Variants in STRN3 observed in about 807,000 individuals in gnomAD.
STRN3 encodes striatin 3, also known as striatin-3.
STRN3 carries 29 observed loss-of-function variants against 95.6 expected under a neutral mutation model. The observed-to-expected ratio is 0.30, with a 90% CI of 0.23 to 0.41. The LOEUF (loss-of-function observed/expected upper bound fraction) is 0.41. STRN3 is among the 10% of genes least tolerant of loss of function. The pLI is 1.00. For synonymous variants in STRN3, 331 were observed against 357.6 expected, an observed-to-expected ratio of 0.93 and a Z score of 0.84; for missense variants, 890 against 972.1, an observed-to-expected ratio of 0.92 and a Z score of 1.12.
intron 13 of STRN3, 121 bp from the exon 14 acceptor site, chr14:30,907,165 T>G: frequency 1.8e-6 from 2 of 1,098,010 alleles, no homozygotes; most frequent in Non-Finnish European, 2.5e-6. Flanking sequence ...CACAAGAAGA[T>G]AAACTAAAGT....
At chr14:30,931,309 C>T (rs933619413) in intron 7 of STRN3, among the ~76,000 whole-genome samples, 10 of 152,026 alleles carry the variant, frequency 6.6e-5, no homozygotes, top group African/African-American at 2.4e-4. Flanking sequence ...AAATCTTCTA[C>T]ATATTAATCC....
intron 6 of STRN3, 133 bp downstream of exon 6, chr14:30,936,362 C>T: frequency 2.0e-6 from 2 of 1,006,534 alleles, no homozygotes; most frequent in Non-Finnish European, 2.8e-6. Context: ...AAAGAGCTGA[C>T]CACATAAAAC....
intron 1 of STRN3, among the ~76,000 whole-genome samples, chr14:31,003,582 C>A (rs1049436167): frequency 1.3e-5 from 2 of 152,036 alleles, no homozygotes; most frequent in African/African-American, 4.8e-5. Flanking sequence ...TGCTCTCTCG[C>A]CATGCAATCT....
At chr14:31,014,260 G>A (rs1374259071) in intron 1 of STRN3, among the ~76,000 whole-genome samples, 4 of 152,016 alleles carry the variant, frequency 2.6e-5, no homozygotes, top group African/African-American at 4.8e-5. Flanking sequence ...TTGCTCTGTT[G>A]CCCAAGCTGG....
At chr14:30,924,373 C>T (rs898513424) in intron 8 of STRN3, among the ~76,000 whole-genome samples, 4 of 139,880 alleles carry the variant, frequency 2.9e-5, no homozygotes, top group East Asian at 2.1e-4. Flanking sequence ...CTGCAACCTC[C>T]GTCTCCTGGG....
intron 1 of STRN3, among the ~76,000 whole-genome samples, chr14:30,970,692 C>T (rs1339726078): frequency 6.6e-6 from 1 of 152,182 alleles, no homozygotes; most frequent in African/African-American, 2.4e-5. Flanking sequence ...AACCATTGTT[C>T]CTCCTCCATC....
chr14:31,008,423 G>A lies in STRN3; in HGVS notation c.282+17481C>T, dbSNP rs374084289. On this transcript the variant is annotated intron_variant, in intron 1 of 17. Coordinates refer to ENST00000357479, the MANE Select transcript of STRN3 (RefSeq NM_001083893.2). ...CTCGGGAGGCTGAGGTGGGAGGATCGAGTGAGCCCAGGAGGTCGAGACTGC... is the reference window on the plus strand; with the variant it reads ...CTCGGGAGGCTGAGGTGGGAGGATCAAGTGAGCCCAGGAGGTCGAGACTGC... 9.9e-5 allele frequency among the ~76,000 whole-genome samples: 15 copies of A among 151,888 alleles called. No homozygotes were observed. The South Asian group carries it at 1.9e-3, about 19-fold the overall frequency.
At position 30,907,552 on chromosome 14, in the gene STRN3, C is replaced by T. The variant is rs558390134; in HGVS notation, c.1721-508G>A. On this transcript the variant is annotated intron_variant, in intron 13 of 17. Coordinates refer to ENST00000357479, the MANE Select transcript of STRN3 (RefSeq NM_001083893.2). Reference sequence around the variant, plus strand: ...AACATTTTCTATAAATGGAATCATACAATATGTGGTCTTTTGTGACTGGGT... The same window carrying T: ...AACATTTTCTATAAATGGAATCATATAATATGTGGTCTTTTGTGACTGGGT... Among the ~76,000 whole-genome samples the T allele has an allele frequency of 4.6e-5, 7 of 152,180 alleles. No homozygotes were observed. The South Asian group carries it at 1.2e-3, about 27-fold the overall frequency.
Position 31,026,107 on chromosome 14 carries a change from T to C in STRN3, c.79A>G (p.Asn27Asp), listed in dbSNP as rs1390513314. 1.3e-6 allele frequency: 2 copies of C among 1,510,830 alleles called. No individual in the cohort carries two copies. The highest frequency in any genetic ancestry group is 1.8e-6 in the Non-Finnish European group (2 of 1,133,784). 93.6% of individuals were successfully genotyped at this position (1,510,830 alleles called of 1,614,324 possible). ...PPRQQQGPGG[N>D]LGLSPGGNGA... is the part of the protein sequence containing the mutation. ...TTCCCCCCGGGCGAAAGGCCCAGGT[T>C]CCCCCCAGGTCCCTGCTGCTGCCGG... Residue 27 changes from asparagine to aspartate, a missense_variant, in exon 1 of 18, where the codon AAC becomes GAC. By Grantham distance (23) the Asn-to-Asp change is conservative. Transcript: ENST00000357479.
At chr14:30,978,652 GA>G (rs1566471424) in intron 1 of STRN3, among the ~76,000 whole-genome samples, 2 of 152,188 alleles carry the variant, frequency 1.3e-5, no homozygotes, top group Non-Finnish European at 2.9e-5. Flanking sequence ...TACAGATTGA[GA>G]AGGTAGGAAT....
At chr14:30,899,153 T>C (rs936056344) in intron 16 of STRN3, among the ~76,000 whole-genome samples, 1 of 152,234 alleles carries the variant, frequency 6.6e-6, no homozygotes, top group Non-Finnish European at 1.5e-5. Context: ...ATATGGCAGA[T>C]AGTCTAGACA....
chr14:30,991,143 GATC>G (rs1881934474), intron 1 of STRN3, among the ~76,000 whole-genome samples: 1 of 152,186 alleles, frequency 6.6e-6, no homozygotes, highest in Admixed American at 6.5e-5. Context: ...GACCAGGTAT[GATC>G]ATACCATTTG....
chr14:30,935,383 T>C (rs1274395285), intron 6 of STRN3, 79 bp from the exon 7 acceptor site: 11 of 1,446,686 alleles, frequency 7.6e-6, no homozygotes, highest in Admixed American at 2.3e-5. Context: ...CATAACTACA[T>C]TTACACACCC....
At chr14:31,010,683 T>C (rs1316120487) in intron 1 of STRN3, among the ~76,000 whole-genome samples, 5 of 152,146 alleles carry the variant, frequency 3.3e-5, no homozygotes, top group African/African-American at 1.2e-4. Context: ...ATAAAATTTA[T>C]TCATTTCAAA....
chr14:30,906,782 T>C (rs1460651271), intron 14 of STRN3, 95 bp downstream of exon 14: 6 of 1,283,396 alleles, frequency 4.7e-6, no homozygotes, highest in Non-Finnish European at 4.2e-6. Flanking sequence ...TATATCTCTT[T>C]GGAACAGTAA....
chr14:30,923,498 T>G (rs1290448848), intron 8 of STRN3, among the ~76,000 whole-genome samples: 3 of 152,046 alleles, frequency 2.0e-5, no homozygotes, highest in Non-Finnish European at 4.4e-5. Flanking sequence ...AAAGTCATAT[T>G]CCATATATAG....
At chr14:30,911,932 C>A in intron 11 of STRN3, 75 bp downstream of exon 11, 1 of 1,565,248 alleles carries the variant, frequency 6.4e-7, no homozygotes, top group Non-Finnish European at 8.7e-7. Context: ...TAAAGACATG[C>A]AACAATAATG....
intron 1 of STRN3, among the ~76,000 whole-genome samples, chr14:30,962,688 CTAT>C (rs1320680834): frequency 6.6e-6 from 1 of 152,156 alleles, no homozygotes; most frequent in Non-Finnish European, 1.5e-5. Flanking sequence ...GCACCTACTA[CTAT>C]GACTGGCTAA....
At chr14:30,917,572 T>G (rs1032385681) in intron 9 of STRN3, among the ~76,000 whole-genome samples, 13 of 142,834 alleles carry the variant, frequency 9.1e-5, no homozygotes, top group Admixed American at 6.9e-4. Context: ...AAAAAAGGAG[T>G]TGCTATGTGT....
Sources: gnomAD v4.1 joint callset for allele counts (sites outside exome capture counted in the v4.1 genomes callset) on GRCh38, gnomAD v4.1.1 for gene constraint, MANE v1.5 for transcripts, NCBI Gene and HGNC (gene_info 2026-07-23, HGNC 2026-07-21) for gene names.